STIM1: variants seen among roughly 807,000 people sequenced by gnomAD.
STIM1 encodes stromal interaction molecule 1.
In STIM1, 25 loss-of-function variants were observed where a neutral mutation model predicts 74.7. That is an observed-to-expected ratio of 0.33 (90% CI 0.24 to 0.47). STIM1 has a LOEUF of 0.47. Ranked by LOEUF, STIM1 falls within the 20% of genes least tolerant of loss-of-function variation. The probability of loss-of-function intolerance (pLI) is 1.00; values close to 1 mark genes in which losing one functional copy is unlikely to be tolerated. For synonymous variants in STIM1, 328 were observed against 348.8 expected (o/e 0.94, Z 0.66); for missense variants, 728 against 920.8 (o/e 0.79, Z 2.71).
intron 1 of STIM1, 23 bp downstream of exon 1, chr11:3,856,432 A>C: frequency 6.2e-7 from 1 of 1,611,560 alleles, no homozygotes; most frequent in South Asian, 1.1e-5. Context: ...TGCGGGCTGG[A>C]CTGGGCTGGA....
intron 1 of STIM1, among the ~76,000 whole-genome samples, chr11:3,921,358 G>A (rs2092715205): frequency 6.6e-6 from 1 of 152,188 alleles, no homozygotes; most frequent in African/African-American, 2.4e-5. Flanking sequence ...TTGTATTCAT[G>A]GGGAACATAT....
At chr11:4,050,972 TGAG>T (rs891854860) in intron 3 of STIM1, among the ~76,000 whole-genome samples, 2 of 151,978 alleles carry the variant, frequency 1.3e-5, no homozygotes, top group South Asian at 4.2e-4. Flanking sequence ...TTGAGTGGGC[TGAG>T]GAGGAGGAGG....
chr11:3,881,347 T>A (rs1037239954), intron 1 of STIM1, among the ~76,000 whole-genome samples: 2 of 152,100 alleles, frequency 1.3e-5, no homozygotes, highest in Non-Finnish European at 2.9e-5. Flanking sequence ...TCATATGATC[T>A]ATTGATCATA....
intron 1 of STIM1, among the ~76,000 whole-genome samples, chr11:3,890,112 A>T (rs778470101): frequency 3.9e-5 from 6 of 152,168 alleles, no homozygotes; most frequent in Middle Eastern, 3.4e-3. Flanking sequence ...ACTCCTTGAG[A>T]CTAGATATTC....
intron 10 of STIM1, among the ~76,000 whole-genome samples, chr11:4,083,955 C>T (rs2094478837): frequency 6.6e-6 from 1 of 151,966 alleles, no homozygotes; most frequent in East Asian, 1.9e-4. Flanking sequence ...AGAAATAGTC[C>T]CTTAAAGTGA....
At chr11:3,951,444 G>A (rs949344414) in intron 1 of STIM1, among the ~76,000 whole-genome samples, 1 of 152,182 alleles carries the variant, frequency 6.6e-6, no homozygotes, top group African/African-American at 2.4e-5. Context: ...TGGAGCCCAG[G>A]AATGTGTTCT....
intron 1 of STIM1, among the ~76,000 whole-genome samples, chr11:3,873,618 G>A (rs1227760777): frequency 6.6e-6 from 1 of 152,006 alleles, no homozygotes; most frequent in East Asian, 1.9e-4. Context: ...GTATGGATTA[G>A]GTTCAGTATA....
intron 11 of STIM1, 81 bp downstream of exon 11, chr11:4,084,846 C>G (rs926538432): frequency 8.8e-7 from 1 of 1,140,800 alleles, no homozygotes; most frequent in Non-Finnish European, 1.2e-6. Context: ...GGTCCCTTCT[C>G]CTGCCTGCTT....
chr11:4,076,575 T>G (rs2094438686), intron 7 of STIM1, among the ~76,000 whole-genome samples: 1 of 151,636 alleles, frequency 6.6e-6, no homozygotes, highest in African/African-American at 2.4e-5. Context: ...CCCCAAGATA[T>G]TTCCCTAAAT....
intron 2 of STIM1, among the ~76,000 whole-genome samples, chr11:3,988,917 A>G (rs1182679292): frequency 1.3e-5 from 2 of 152,232 alleles, no homozygotes; most frequent in Admixed American, 1.3e-4. Context: ...AAAACCTCCC[A>G]TAATTCAATA....
chr11:4,048,811 G>A (rs754592754), intron 3 of STIM1, among the ~76,000 whole-genome samples: 17 of 151,946 alleles, frequency 1.1e-4, no homozygotes, highest in African/African-American at 1.7e-4. Context: ...TCAGCTCGCT[G>A]CAACCTCCAC....
In STIM1 at chr11:4,059,399, G is replaced by A; in HGVS notation, c.613+3G>A. On this transcript the variant is annotated splice_donor_region_variant and intron_variant, in intron 5 of 12. Coordinates refer to ENST00000526596, the MANE Select transcript of STIM1 (RefSeq NM_001382567.1). ...AGTGCTCTTTGGGCCTCCTCTCTGT[G>A]AGTCTTGTGTTGAGAAGGGCTACTG... is the stretch of plus-strand genomic sequence containing the variant. 6.2e-7 allele frequency: 1 copy of A among 1,613,454 alleles called. No individual in the cohort carries two copies. Among genetic ancestry groups the A allele is most frequent in the East Asian group, 2.2e-5 (1 of 44,872 alleles).
chr11:4,029,570 G>A (rs1165514058), intron 3 of STIM1, among the ~76,000 whole-genome samples: 1 of 149,038 alleles, frequency 6.7e-6, no homozygotes, highest in Non-Finnish European at 1.5e-5. Flanking sequence ...GACGGAAGGA[G>A]GGTGGGCGGG....
intron 1 of STIM1, among the ~76,000 whole-genome samples, chr11:3,904,537 T>C (rs2092428828): frequency 6.6e-6 from 1 of 152,066 alleles, no homozygotes; most frequent in Non-Finnish European, 1.5e-5. Flanking sequence ...TTAAGATGGG[T>C]GTGACATGAC....
intron 2 of STIM1, among the ~76,000 whole-genome samples, chr11:3,989,832 C>G (rs1428084717): frequency 6.6e-6 from 1 of 152,132 alleles, no homozygotes; most frequent in Non-Finnish European, 1.5e-5. Context: ...CTGTCTGACT[C>G]TTTACAGAAA....
Position 4,083,434 on chromosome 11 carries a change from C to G in STIM1, c.1410C>G (p.His470Gln), listed in dbSNP as rs748403696. 69 of 1,614,154 alleles carry G rather than the reference C, an allele frequency of 4.3e-5. No homozygotes were observed. The highest frequency in any genetic ancestry group is 5.6e-5 in the Non-Finnish European group (66 of 1,180,066). The change falls in exon 10 of 13, where the codon CAC becomes CAG. Residue 470 changes from histidine to glutamine, a missense_variant. Around this residue, in one of 5 missense-constraint regions of STIM1, gnomAD observed 352 missense variants for 370.1 expected, o/e 0.95. Transcript: ENST00000526596. ...GCAGTACACGCCCCAACCCTGCTCA[C>G]TTCATCATGACTGACGACGTGGATG... is the stretch of plus-strand genomic sequence containing the variant. Reference protein sequence around the residue: ...WMGSTRPNPAHFIMTDDVDDM... With the variant: ...WMGSTRPNPAQFIMTDDVDDM...
At chr11:3,948,703 C>T (rs1183588342) in intron 1 of STIM1, among the ~76,000 whole-genome samples, 2 of 152,128 alleles carry the variant, frequency 1.3e-5, no homozygotes, top group Non-Finnish European at 2.9e-5. Flanking sequence ...CTTCTAAATA[C>T]GTCTATCTTA....
chr11:4,040,141 T>C (rs1296579921), intron 3 of STIM1, among the ~76,000 whole-genome samples: 1 of 152,206 alleles, frequency 6.6e-6, no homozygotes, highest in Non-Finnish European at 1.5e-5. Flanking sequence ...CTTATCTACC[T>C]CTGTGGTATT....
At position 4,012,731 on chromosome 11, in the gene STIM1, G is replaced by A. The variant is rs2093850752; in HGVS notation, c.271-11142G>A. Among the ~76,000 whole-genome samples, 8 of 152,248 alleles carry A rather than the reference G, an allele frequency of 5.3e-5. No homozygotes were observed. In the South Asian group the frequency reaches 1.7e-3, roughly 32 times the overall value. On this transcript the variant is annotated intron_variant, in intron 2 of 12. Transcript: ENST00000526596. Reference sequence around the variant, plus strand: ...TACCCTTTATTTCTTTCTCTTGCCTGATTGCCCTGGCCAGAACTTCCAACA... The same window carrying A: ...TACCCTTTATTTCTTTCTCTTGCCTAATTGCCCTGGCCAGAACTTCCAACA...
Sources: allele counts gnomAD v4.1 joint callset (sites outside exome capture counted in the v4.1 genomes callset), GRCh38; gene constraint gnomAD v4.1.1; regional missense constraint gnomAD v4.1.1; transcripts MANE v1.5; gene names NCBI Gene and HGNC (gene_info 2026-07-23, HGNC 2026-07-21).